TMTC2: variants seen among roughly 807,000 people sequenced by gnomAD.
TMTC2 encodes protein O-mannosyl-transferase TMTC2.
A neutral mutation model predicts 82.4 loss-of-function variants in TMTC2; 43 were observed. The ratio of observed to expected loss-of-function variants is 0.52; its 90% CI spans 0.41 to 0.67. The LOEUF (loss-of-function observed/expected upper bound fraction) is 0.67. Among genes scored for constraint, TMTC2 ranks in the 30% least tolerant of loss-of-function variants. The pLI is 0.00. For synonymous variants in TMTC2, 408 were observed against 381.9 expected, an observed-to-expected ratio of 1.07 and a Z score of -0.80; for missense variants, 919 against 1,012.4, an observed-to-expected ratio of 0.91 and a Z score of 1.25.
chr12:83,062,671 G>T (rs527777344), intron 11 of TMTC2, among the ~76,000 whole-genome samples: 1 of 151,916 alleles, frequency 6.6e-6, no homozygotes, highest in Non-Finnish European at 1.5e-5. Context: ...TAGAGTGCCT[G>T]CTTTGTGGTA....
chr12:82,803,081 G>A (rs1329231170), intron 1 of TMTC2, among the ~76,000 whole-genome samples: 2 of 152,126 alleles, frequency 1.3e-5, no homozygotes, highest in African/African-American at 4.8e-5. Context: ...TTTGATCCAG[G>A]GTGTCTAGGA....
intron 1 of TMTC2, among the ~76,000 whole-genome samples, chr12:82,845,252 A>AAT (rs1555190263): frequency 0.24 from 9,182 of 38,400 alleles, 1,558 homozygotes; most frequent in East Asian, 0.29. Flanking sequence ...AAAAAAAAAA[A>AAT]ATATATATAT....
intron 11 of TMTC2, among the ~76,000 whole-genome samples, chr12:83,085,196 G>C (rs935382775): frequency 2.6e-5 from 4 of 152,118 alleles, no homozygotes; most frequent in African/African-American, 7.2e-5. Context: ...TTAAAATAAG[G>C]GGGGAAATAT....
At chr12:82,688,476 G>T (rs1308342677) in intron 1 of TMTC2, among the ~76,000 whole-genome samples, 1 of 152,178 alleles carries the variant, frequency 6.6e-6, no homozygotes, top group Non-Finnish European at 1.5e-5. Context: ...AAATGTCACC[G>T]TTGTGTTGGT....
chr12:83,115,432 T>A (rs1884721074), intron 11 of TMTC2, among the ~76,000 whole-genome samples: 1 of 152,210 alleles, frequency 6.6e-6, no homozygotes, highest in African/African-American at 2.4e-5. Context: ...CATATTCTTT[T>A]CTAAATTTCT....
At chr12:83,018,980 G>C (rs1405531107) in intron 8 of TMTC2, among the ~76,000 whole-genome samples, 1 of 152,144 alleles carries the variant, frequency 6.6e-6, no homozygotes, top group East Asian at 1.9e-4. Context: ...GGTAATTAGA[G>C]TACATATGGT....
chr12:82,996,656 A>G (rs1013157404), intron 8 of TMTC2, among the ~76,000 whole-genome samples: 1 of 152,212 alleles, frequency 6.6e-6, no homozygotes, highest in African/African-American at 2.4e-5. Context: ...TGTATGGCAT[A>G]GAGTTTACAC....
intron 4 of TMTC2, among the ~76,000 whole-genome samples, chr12:82,954,639 A>G (rs1877520240): frequency 6.6e-6 from 1 of 152,174 alleles, no homozygotes; most frequent in Admixed American, 6.6e-5. Flanking sequence ...TTACTGAAAT[A>G]TGTACTCTTG....
chr12:83,008,024 C>T (rs1655599), intron 8 of TMTC2, among the ~76,000 whole-genome samples: 118,865 of 151,852 alleles, frequency 0.78, 47,581 homozygotes, highest in South Asian at 0.93. Flanking sequence ...GTGATTTTTT[C>T]CCCCCTGTTT....
chr12:82,874,505 T>G (rs763198279), intron 2 of TMTC2, among the ~76,000 whole-genome samples: 3 of 152,234 alleles, frequency 2.0e-5, no homozygotes, highest in Non-Finnish European at 4.4e-5. Context: ...CTCATTTCTA[T>G]GAACAAAAGA....
intron 3 of TMTC2, among the ~76,000 whole-genome samples, chr12:82,903,494 C>T (rs568512354): frequency 2.0e-3 from 304 of 152,296 alleles, no homozygotes; most frequent in Non-Finnish European, 3.1e-3. Flanking sequence ...TCACTGCAAG[C>T]GCCGCCTCCC....
At chr12:83,091,362 AG>A (rs201855251) in intron 11 of TMTC2, among the ~76,000 whole-genome samples, 1,978 of 152,298 alleles carry the variant, frequency 0.013, 16 homozygotes, top group Middle Eastern at 0.054. Flanking sequence ...TGCTGCAGAA[AG>A]TCTCCTTTTG....
At chr12:82,833,760 T>C (rs1242066460) in intron 1 of TMTC2, among the ~76,000 whole-genome samples, 2 of 152,184 alleles carry the variant, frequency 1.3e-5, no homozygotes, top group Non-Finnish European at 2.9e-5. Context: ...AAGGCTGTTA[T>C]CCATTACATG....
intron 1 of TMTC2, among the ~76,000 whole-genome samples, chr12:82,728,622 C>T (rs567019026): frequency 3.5e-4 from 54 of 152,318 alleles, no homozygotes; most frequent in Non-Finnish European, 6.6e-4. Flanking sequence ...GCCCTCACAG[C>T]CCTCGCTTGC....
At chr12:83,096,286 G>A (rs567489908) in intron 11 of TMTC2, among the ~76,000 whole-genome samples, 6 of 152,330 alleles carry the variant, frequency 3.9e-5, no homozygotes, top group Admixed American at 2.0e-4. Context: ...ATTCACTGAA[G>A]TCCTTCACTT....
chr12:82,730,911 C>G lies in TMTC2; in HGVS notation c.83+43242C>G, dbSNP rs73356314. On this transcript the variant is annotated intron_variant, in intron 1 of 11. Transcript: ENST00000321196. Reference sequence around the variant, plus strand: ...ATTCTGCTTTTTCAAGTATATAAGTCGTTTTGATTAATGTGTTTGCACATG... The same window carrying G: ...ATTCTGCTTTTTCAAGTATATAAGTGGTTTTGATTAATGTGTTTGCACATG... Among the ~76,000 whole-genome samples the G allele has an allele frequency of 4.3e-3, 657 of 152,252 alleles. 1 individual carries two copies. The highest frequency in any genetic ancestry group is 0.015 in the African/African-American group (635 of 41,540).
At chr12:83,003,955 A>T (rs1325045811) in intron 8 of TMTC2, among the ~76,000 whole-genome samples, 1 of 152,010 alleles carries the variant, frequency 6.6e-6, no homozygotes, top group African/African-American at 2.4e-5. Context: ...CATATCCTCA[A>T]ATATGTTTTA....
chr12:83,060,160 G>A (rs577049342), intron 10 of TMTC2, among the ~76,000 whole-genome samples: 3 of 151,804 alleles, frequency 2.0e-5, no homozygotes, highest in East Asian at 1.9e-4. Context: ...GCAACAGCAC[G>A]TTGTAACATG....
intron 11 of TMTC2, among the ~76,000 whole-genome samples, chr12:83,120,230 T>A (rs1884905593): frequency 6.6e-6 from 1 of 152,184 alleles, no homozygotes; most frequent in Admixed American, 6.5e-5. Context: ...TTAACTTGTA[T>A]TTTTGTTTTA....
Sources: gnomAD v4.1 joint callset for allele counts (sites outside exome capture counted in the v4.1 genomes callset) on GRCh38, gnomAD v4.1.1 for gene constraint, MANE v1.5 for transcripts, NCBI Gene and HGNC (gene_info 2026-07-23, HGNC 2026-07-21) for gene names.